The following TRPM2 variants were observed in gnomAD, a reference collection of about 807,000 sequenced individuals.
The protein encoded by TRPM2 is transient receptor potential cation channel subfamily M member 2.
A neutral mutation model predicts 174.0 loss-of-function variants in TRPM2; 161 were observed. The ratio of observed to expected loss-of-function variants is 0.93; its 90% CI spans 0.81 to 1.05. The LOEUF is 1.05. TRPM2 is among the 50% of genes least tolerant of loss of function. The pLI is 0.00. For missense variants in TRPM2, 2,057 were observed against 2,038.0 expected (o/e 1.01, Z -0.18); for synonymous variants, 954 against 861.3 (o/e 1.11, Z -1.88).
chr21:44,411,387 T>C (rs1261954626), intron 19 of TRPM2, among the ~76,000 whole-genome samples: 1 of 152,218 alleles, frequency 6.6e-6, no homozygotes, highest in Non-Finnish European at 1.5e-5. Context: ...ATTGATTTCA[T>C]TTCAAATTGT....
chr21:44,381,076 T>G (rs1230107666), intron 8 of TRPM2, among the ~76,000 whole-genome samples: 3 of 151,948 alleles, frequency 2.0e-5, no homozygotes, highest in Non-Finnish European at 4.4e-5. Context: ...GGAGTTGTCA[T>G]GAAAGCTGGA....
At chr21:44,397,996 C>A in intron 13 of TRPM2, 120 bp downstream of exon 13, 1 of 1,258,324 alleles carries the variant, frequency 7.9e-7, no homozygotes, top group Non-Finnish European at 1.0e-6. Context: ...GTCCCTGGGC[C>A]TCAGCCCTGC....
intron 2 of TRPM2, among the ~76,000 whole-genome samples, chr21:44,362,336 C>T (rs2048233078): frequency 1.1e-5 from 1 of 88,350 alleles, no homozygotes; most frequent in Non-Finnish European, 2.1e-5. Flanking sequence ...AACCCCGTCT[C>T]TACTAAAAAT....
chr21:44,354,594 T>C lies in TRPM2; in HGVS notation c.166-54T>C. 1 of 1,510,014 alleles carries C rather than the reference T, an allele frequency of 6.6e-7. No homozygotes were observed. Among genetic ancestry groups the C allele is most frequent in the Admixed American group, 1.7e-5 (1 of 59,862 alleles). The allele number at this position is 1,510,014 out of a possible 1,614,324, so 93.5% of individuals were successfully genotyped here. On this transcript the variant is annotated intron_variant, in intron 1 of 31. Coordinates refer to ENST00000397928, the MANE Select transcript of TRPM2 (RefSeq NM_003307.4). This position sits in a 1 kb window ranked among gnomAD's most constrained non-coding sequence, Gnocchi z 4.3. The stretch of plus-strand genomic sequence containing the variant: ...GAGCTCAGATGTGTCTCCAGGGGGC[T>C]GGGTGTGCTCTTTCGAATGTTGGAA...
In TRPM2 at chr21:44,401,719, G is replaced by A. The variant is rs147064850; in HGVS notation, c.2360G>A (p.Arg787His). The A allele has an allele frequency of 2.1e-5, 34 of 1,613,250 alleles. No individual in the cohort carries two copies. The African/African-American group carries it at 2.5e-4, about 12-fold the overall frequency. Residue 787 changes from arginine (R) to histidine (H), a missense_variant, in exon 16 of 32, where the codon CGC becomes CAC. By Grantham distance (29) the Arg-to-His change is conservative (BLOSUM62 0). Transcript: ENST00000397928. ...RLQDVGTPAA[R>H]ARAFFTAPVV... Reference sequence around the variant, plus strand: ...CAGGATGTGGGCACCCCCGCGGCCCGCGCCCGTGCCTTCTTCACCGCACCC... The same window carrying A: ...CAGGATGTGGGCACCCCCGCGGCCCACGCCCGTGCCTTCTTCACCGCACCC...
intron 11 of TRPM2, among the ~76,000 whole-genome samples, chr21:44,393,120 C>T (rs553136618): frequency 1.3e-5 from 2 of 152,188 alleles, no homozygotes; most frequent in South Asian, 2.1e-4. Flanking sequence ...GGAACCCTGC[C>T]GTAATCTCCA....
chr21:44,406,705 C>G lies in TRPM2; in HGVS notation c.2902C>G (p.Arg968Gly), dbSNP rs143942852. The change falls in exon 19 of 32, where the codon CGA becomes GGA. Residue 968 changes from arginine (R) to glycine (G), a missense_variant. Physicochemically the swap from Arg to Gly is moderately radical, Grantham distance 125 (BLOSUM62 -2). Transcript: ENST00000397928. ...CGAGCGCCGGGTGGACTGGCTGTTCCGAGGGGCCGTCTACCACTCCTACCT... is the reference window on the plus strand; with the variant it reads ...CGAGCGCCGGGTGGACTGGCTGTTCGGAGGGGCCGTCTACCACTCCTACCT... ...HNERRVDWLF[R>G]GAVYHSYLTI... 8 of 1,608,856 alleles carry G rather than the reference C, an allele frequency of 5.0e-6. No homozygotes were observed. Among genetic ancestry groups the G allele is most frequent in the Admixed American group, 1.7e-5 (1 of 59,418 alleles).
intron 15 of TRPM2, among the ~76,000 whole-genome samples, chr21:44,401,262 G>T (rs1421829279): frequency 6.6e-6 from 1 of 152,188 alleles, no homozygotes; most frequent in Non-Finnish European, 1.5e-5. Context: ...CCCCATTGAG[G>T]ACGGCAAGGA....
intron 7 of TRPM2, 80 bp downstream of exon 7, chr21:44,377,853 A>C: frequency 6.6e-7 from 1 of 1,507,486 alleles, no homozygotes; most frequent in East Asian, 2.3e-5. Context: ...TGCTTGTCTC[A>C]GAACTCAAGA....
rs760583533 is a variant in TRPM2, at chr21:44,400,246, C to T, written c.2209-13C>T. 1.9e-6 allele frequency: 3 copies of T among 1,608,106 alleles called. No homozygotes were observed. Among genetic ancestry groups the T allele is most frequent in the South Asian group, 1.1e-5 (1 of 90,668 alleles). On this transcript the variant is annotated splice_polypyrimidine_tract_variant and intron_variant, in intron 14 of 31. Coordinates refer to ENST00000397928, the MANE Select transcript of TRPM2 (RefSeq NM_003307.4). Reference sequence around the variant, plus strand: ...GCTGGGCACTGCCATCCTGAGACTGCCCCCATCCGCAGGCCTTCCTGACCA... The same window carrying T: ...GCTGGGCACTGCCATCCTGAGACTGTCCCCATCCGCAGGCCTTCCTGACCA...
rs140528954 is a variant in TRPM2 at position 44,423,687 on chromosome 21, G to A, written c.3504G>A (p.Lys1168=). Residue 1168 remains lysine (K), a synonymous_variant, in exon 23 of 32, where the codon AAG becomes AAA. Coordinates refer to ENST00000397928, the MANE Select transcript of TRPM2 (RefSeq NM_003307.4). ...ACCTGCTGGACCTGGACCCACTGAA[G>A]AGGTCGGGCTCCATGGAGCAGAGGT... The part of the protein sequence containing the change: ...MVDLLDLDPL[K]RSGSMEQRLA... 6.2e-7 allele frequency: 1 copy of A among 1,612,782 alleles called. No homozygotes were observed. Among genetic ancestry groups the A allele is most frequent in the Non-Finnish European group, 8.5e-7 (1 of 1,179,844 alleles).
At chr21:44,387,829 C>T (rs2049056851) in intron 9 of TRPM2, among the ~76,000 whole-genome samples, 1 of 152,086 alleles carries the variant, frequency 6.6e-6, no homozygotes, top group Non-Finnish European at 1.5e-5. Flanking sequence ...AAATGCAGAT[C>T]AAAACTAAGA....
At position 44,354,731 on chromosome 21, in the gene TRPM2, T is replaced by A; in HGVS notation, c.249T>A (p.Asp83Glu). The change falls in exon 2 of 32, where the codon GAT (aspartate) becomes GAA (glutamate). Residue 83 changes from aspartate to glutamate, a missense_variant. Coordinates refer to ENST00000397928, the MANE Select transcript of TRPM2 (RefSeq NM_003307.4). The surrounding 1 kb of genome is among the most constrained non-coding windows in gnomAD (Gnocchi z 4.3). ...TTGTGGAAAGTTCCAAACTGTCTGA[T>A]GCTGGGTAAGTGACGTGATTTGTGT... Reference protein sequence around the residue: ...VYFVESSKLSDAGKVVCQCGY... With the variant: ...VYFVESSKLSEAGKVVCQCGY... 6.2e-7 allele frequency: 1 copy of A among 1,614,140 alleles called. No individual in the cohort carries two copies. The highest frequency in any genetic ancestry group is 8.5e-7 in the Non-Finnish European group (1 of 1,179,976).
intron 3 of TRPM2, among the ~76,000 whole-genome samples, chr21:44,365,802 G>A (rs45469995): frequency 1.2e-3 from 180 of 152,314 alleles, no homozygotes; most frequent in African/African-American, 4.0e-3. Context: ...GGTCTGCCTC[G>A]AAGCCCGGGA....
At position 44,354,755 on chromosome 21, in the gene TRPM2, G is replaced by T; in HGVS notation, c.254+19G>T. The stretch of plus-strand genomic sequence containing the variant: ...ATGCTGGGTAAGTGACGTGATTTGT[G>T]TGTAAGACCTCTGACTTCTTCCTTC... On this transcript the variant is annotated intron_variant, in intron 2 of 31. Transcript: ENST00000397928. This position sits in a 1 kb window ranked among gnomAD's most constrained non-coding sequence, Gnocchi z 4.3. 6.2e-7 allele frequency: 1 copy of T among 1,610,786 alleles called. No individual in the cohort carries two copies. The highest frequency in any genetic ancestry group is 1.1e-5 in the South Asian group (1 of 91,024).
At chr21:44,365,433 T>G (rs2048332537) in intron 3 of TRPM2, among the ~76,000 whole-genome samples, 1 of 152,182 alleles carries the variant, frequency 6.6e-6, no homozygotes, top group African/African-American at 2.4e-5. Context: ...GCCCCAGGCT[T>G]CCTGGCTGGC....
rs546706151 is a variant in TRPM2 at position 44,420,843 on chromosome 21, T to G, written c.3461+2288T>G. Among the ~76,000 whole-genome samples the G allele has an allele frequency of 9.2e-5, 14 of 152,318 alleles. No homozygotes were observed. In the East Asian group the frequency reaches 2.7e-3, roughly 29 times the overall value. ...AGGACCACACCCTTCACCTGCATCA[T>G]CTCGCTCAACCCTTTTGCAGAGGGA... On this transcript the variant is annotated intron_variant, in intron 22 of 31. Transcript: ENST00000397928.
chr21:44,377,608 C>G (rs1389545702), intron 6 of TRPM2, 104 bp from the exon 7 acceptor site: 5 of 1,488,724 alleles, frequency 3.4e-6, no homozygotes, highest in Non-Finnish European at 4.6e-6. Flanking sequence ...TTGCCCCCCA[C>G]CTCTGTCCCC....
chr21:44,404,663 T>G (rs1210667590), intron 16 of TRPM2, among the ~76,000 whole-genome samples: 2 of 152,134 alleles, frequency 1.3e-5, no homozygotes, highest in African/African-American at 2.4e-5. Context: ...GTGATAGTGA[T>G]GATAGTGACA....
Sources: gnomAD v4.1 joint callset for allele counts (sites outside exome capture counted in the v4.1 genomes callset) on GRCh38, gnomAD v4.1.1 for gene constraint, Gnocchi (gnomAD v3.1) non-coding constraint, MANE v1.5 for transcripts, NCBI Gene and HGNC (gene_info 2026-07-23, HGNC 2026-07-21) for gene names.